Variants in TBC1D9 observed in about 807,000 individuals in gnomAD.
The protein encoded by TBC1D9 is TBC1 domain family member 9A.
A neutral mutation model predicts 132.0 loss-of-function variants in TBC1D9; 63 were observed. That is an observed-to-expected ratio of 0.48 (90% confidence interval 0.39 to 0.59). The LOEUF (loss-of-function observed/expected upper bound fraction) is 0.59, where lower values mean the gene tolerates loss of function less well. Ranked by LOEUF, TBC1D9 falls within the 20% of genes least tolerant of loss-of-function variation. TBC1D9 has a pLI of 0.00. For synonymous variants in TBC1D9, 610 were observed against 609.9 expected (o/e 1.00, Z 0.00); for missense variants, 1,261 against 1,592.7 (o/e 0.79, Z 3.54).
chr4:140,627,398 G>A, intron 18 of TBC1D9, 43 bp downstream of exon 18: 2 of 1,287,824 alleles, frequency 1.6e-6, no homozygotes, highest in Non-Finnish European at 2.2e-6. Context: ...GGAGGGCTCG[G>A]TAGAAAACAA....
At chr4:140,679,573 T>C in intron 4 of TBC1D9, 42 bp downstream of exon 4, 2 of 1,472,406 alleles carry the variant, frequency 1.4e-6, no homozygotes, top group South Asian at 1.2e-5. Flanking sequence ...CAAACCTCAG[T>C]AGACTTTCCA....
rs556599539 is a variant in TBC1D9 at position 140,719,139 on chromosome 4, T to C, written c.131-17525A>G. On this transcript the variant is annotated intron_variant, in intron 1 of 20. Transcript: ENST00000442267. The stretch of plus-strand genomic sequence containing the variant: ...CAAAATAAATAAATAAATAAATAAA[T>C]AAATAAATAAATAAATAAATAAAAG... Among the ~76,000 whole-genome samples, 66 of 149,150 alleles carry C rather than the reference T, an allele frequency of 4.4e-4. 2 individuals are homozygous for C. The East Asian group carries it at 0.012, about 27-fold the overall frequency.
intron 10 of TBC1D9, among the ~76,000 whole-genome samples, chr4:140,661,384 T>C (rs1737358756): frequency 6.6e-6 from 1 of 152,228 alleles, no homozygotes; most frequent in African/African-American, 2.4e-5. Context: ...AAAAGCTCTA[T>C]TCAAGGACAT....
Position 140,679,192 on chromosome 4 carries a change from T to A in TBC1D9, c.601A>T (p.Ile201Phe). Residue 201 changes from isoleucine (I) to phenylalanine (F), a missense_variant, in exon 5 of 21, where the codon ATC becomes TTC. Ile to Phe is a conservative substitution (Grantham distance 21, BLOSUM62 0). Transcript: ENST00000442267. ...AGCTGAGTGATGTCTACCCACCGGA[T>A]GACCAGTTTCGCTGAGCACAAGGAA... ...FLMGREAKLV[I>F]RWVDITQLEK... The A allele has an allele frequency of 2.5e-6, 4 of 1,613,124 alleles. No individual in the cohort carries two copies. The highest frequency in any genetic ancestry group is 3.4e-6 in the Non-Finnish European group (4 of 1,179,256).
chr4:140,657,307 T>C (rs1186650633), intron 12 of TBC1D9, 81 bp from the exon 13 acceptor site: 2 of 1,523,506 alleles, frequency 1.3e-6, no homozygotes, highest in Admixed American at 4.1e-5. Flanking sequence ...TTTCTGCAAG[T>C]TCTACATTTT....
At chr4:140,678,849 C>T (rs2111017709) in intron 5 of TBC1D9, 93 bp downstream of exon 5, 1 of 1,452,598 alleles carries the variant, frequency 6.9e-7, no homozygotes, top group East Asian at 2.3e-5. Flanking sequence ...GTTCAGAACC[C>T]TTGAAGATCG....
At chr4:140,638,568 G>A (rs1189637104) in intron 15 of TBC1D9, among the ~76,000 whole-genome samples, 1 of 151,754 alleles carries the variant, frequency 6.6e-6, no homozygotes, top group Non-Finnish European at 1.5e-5. Flanking sequence ...GTGTGCGCCT[G>A]TAATCCCAGC....
chr4:140,642,343 C>T, intron 13 of TBC1D9: 1 of 811,694 alleles, frequency 1.2e-6, no homozygotes, highest in South Asian at 1.5e-5. Context: ...ATCTTCCTGG[C>T]TTTGGCGGCC....
At chr4:140,743,564 G>A (rs753160549) in intron 1 of TBC1D9, among the ~76,000 whole-genome samples, 1 of 152,142 alleles carries the variant, frequency 6.6e-6, no homozygotes, top group Admixed American at 6.6e-5. Context: ...ACACAAAGAC[G>A]CTGTGCAAAG....
chr4:140,647,242 TC>T (rs1737117288), intron 13 of TBC1D9, among the ~76,000 whole-genome samples: 1 of 152,206 alleles, frequency 6.6e-6, no homozygotes, highest in African/African-American at 2.4e-5. Flanking sequence ...GACTGCTACC[TC>T]TGTTTTGCGA....
intron 1 of TBC1D9, among the ~76,000 whole-genome samples, chr4:140,705,547 T>G (rs2111043226): frequency 6.6e-6 from 1 of 150,914 alleles, no homozygotes; most frequent in Non-Finnish European, 1.5e-5. Flanking sequence ...TGTGTGCGTT[T>G]TAAACCTAAA....
rs192432596 is a variant in TBC1D9, at chr4:140,739,971, T to C, written c.130+15945A>G. Reference sequence around the variant, plus strand: ...CCTTAATGTTCTGCTTGATCTTCACTCTAGCAAGTATCTGTCCAGCATGCC... The same window carrying C: ...CCTTAATGTTCTGCTTGATCTTCACCCTAGCAAGTATCTGTCCAGCATGCC... On this transcript the variant is annotated intron_variant, in intron 1 of 20. Transcript: ENST00000442267. Among the ~76,000 whole-genome samples the C allele has an allele frequency of 2.0e-3, 302 of 152,332 alleles. 2 individuals are homozygous for C. The highest frequency in any genetic ancestry group is 6.6e-3 in the African/African-American group (276 of 41,576).
chr4:140,640,725 G>A (rs1033996371), intron 13 of TBC1D9, among the ~76,000 whole-genome samples: 1 of 152,012 alleles, frequency 6.6e-6, no homozygotes, highest in Non-Finnish European at 1.5e-5. Flanking sequence ...AAACAGCATC[G>A]AGTGTTGGTA....
intron 16 of TBC1D9, among the ~76,000 whole-genome samples, chr4:140,632,960 C>A (rs1736821246): frequency 6.6e-6 from 1 of 152,206 alleles, no homozygotes; most frequent in Admixed American, 6.5e-5. Context: ...CGAGTTCTCC[C>A]ATGTCCCCTC....
intron 1 of TBC1D9, among the ~76,000 whole-genome samples, chr4:140,731,808 T>C (rs766192952): frequency 1.3e-5 from 2 of 152,120 alleles, no homozygotes; most frequent in Non-Finnish European, 2.9e-5. Context: ...AAAAACACGC[T>C]GGTGGAATTT....
chr4:140,735,923 C>T (rs1738666770), intron 1 of TBC1D9, among the ~76,000 whole-genome samples: 1 of 152,096 alleles, frequency 6.6e-6, no homozygotes, highest in South Asian at 2.1e-4. Context: ...TGGATCACAG[C>T]TCATTATACA....
intron 16 of TBC1D9, among the ~76,000 whole-genome samples, chr4:140,629,768 A>G (rs1390713232): frequency 6.6e-6 from 1 of 152,096 alleles, no homozygotes; most frequent in African/African-American, 2.4e-5. Flanking sequence ...AACTGTTCAC[A>G]CTCTCACAGT....
chr4:140,663,316 G>A (rs1174343837), intron 9 of TBC1D9, among the ~76,000 whole-genome samples: 2 of 151,982 alleles, frequency 1.3e-5, no homozygotes, highest in Non-Finnish European at 2.9e-5. Context: ...TAATCATCAG[G>A]GAAATGCAAA....
intron 10 of TBC1D9, among the ~76,000 whole-genome samples, chr4:140,661,193 C>T (rs780281722): frequency 6.6e-6 from 1 of 152,152 alleles, no homozygotes; most frequent in South Asian, 2.1e-4. Flanking sequence ...GGATTACGGG[C>T]GTGAGCCACC....
Sources: gnomAD v4.1 joint callset for allele counts (sites outside exome capture counted in the v4.1 genomes callset) on GRCh38, gnomAD v4.1.1 for gene constraint, MANE v1.5 for transcripts, NCBI Gene and HGNC (gene_info 2026-07-23, HGNC 2026-07-21) for gene names.